MTM1: variants seen among roughly 807,000 people sequenced by gnomAD.
MTM1 encodes myotubularin.
Under a neutral mutation model 52.1 loss-of-function variants are expected in MTM1, and 9 were observed. The observed-to-expected ratio is 0.17, with a 90% CI of 0.10 to 0.30. The LOEUF is 0.30. Ranked by LOEUF, MTM1 falls within the 10% of genes least tolerant of loss-of-function variation. The probability of loss-of-function intolerance (pLI) is 1.00; values close to 1 mark genes in which losing one functional copy is unlikely to be tolerated. For missense variants in MTM1, 277 were observed against 470.7 expected (o/e 0.59, Z 3.81); for synonymous variants, 136 against 163.8 (o/e 0.83, Z 1.29).
intron 10 of MTM1, among the ~76,000 whole-genome samples, chrX:150,655,992 T>C (rs2040106864): frequency 8.9e-6 from 1 of 112,217 alleles, no homozygotes; most frequent in Non-Finnish European, 1.9e-5. Flanking sequence ...AAATTTTTAC[T>C]AGAATACTTT....
intron 6 of MTM1, among the ~76,000 whole-genome samples, chrX:150,636,325 A>C (rs1443191989): frequency 3.6e-5 from 4 of 112,090 alleles, no homozygotes; most frequent in Non-Finnish European, 3.8e-5. Flanking sequence ...ATTTTTGTTT[A>C]GGCCATATAG....
At chrX:150,636,780 G>A (rs1485537549) in intron 6 of MTM1, among the ~76,000 whole-genome samples, 1 of 111,952 alleles carries the variant, frequency 8.9e-6, no homozygotes, top group Non-Finnish European at 1.9e-5. Flanking sequence ...GTTTACCTGT[G>A]CCAAGTACTG....
intron 8 of MTM1, among the ~76,000 whole-genome samples, chrX:150,641,967 T>C (rs2039856042): frequency 9.0e-6 from 1 of 111,129 alleles, no homozygotes; most frequent in Non-Finnish European, 1.9e-5. Context: ...TTCACAAAGC[T>C]CTCTTTTGGT....
intron 5 of MTM1, among the ~76,000 whole-genome samples, chrX:150,616,439 C>G: frequency 9.0e-6 from 1 of 111,729 alleles, no homozygotes; most frequent in Non-Finnish European, 1.9e-5. Flanking sequence ...TCAACTTTCG[C>G]CTGCAGTCAA....
intron 6 of MTM1, among the ~76,000 whole-genome samples, chrX:150,622,851 G>A (rs2039505565): frequency 9.0e-6 from 1 of 111,410 alleles, no homozygotes; most frequent in East Asian, 2.8e-4. Flanking sequence ...GTTCTGTTTT[G>A]GACACATAGC....
chrX:150,572,227 A>T (rs782540578), intron 1 of MTM1, among the ~76,000 whole-genome samples: 33 of 112,145 alleles, frequency 2.9e-4, no homozygotes, highest in Non-Finnish European at 5.3e-4. Flanking sequence ...TGGCTCTTCC[A>T]TCTGTAAGAT....
chrX:150,568,202 G>C (rs782798374), upstream of MTM1, among the ~76,000 whole-genome samples: 4 of 112,756 alleles, frequency 3.5e-5, no homozygotes, highest in Non-Finnish European at 7.5e-5. Context: ...CTAAAGTCTT[G>C]TATAGAGAAG....
At position 150,660,408 on chromosome X, in the gene MTM1, T is replaced by A; in HGVS notation, c.1391T>A (p.Ile464Asn). The change falls in exon 13 of 15, where the codon ATT (isoleucine) becomes AAT (asparagine). Residue 464 changes from isoleucine to asparagine, a missense_variant. This residue lies in a region of MTM1 where 59 missense variants were observed against 107.8 expected (regional missense o/e 0.55). Coordinates refer to ENST00000370396, the MANE Select transcript of MTM1 (RefSeq NM_000252.3). The stretch of plus-strand genomic sequence containing the variant: ...TTTGAATTCAATGAACAATTTTTGA[T>A]TATAATTTTGGATCATCTGTATAGT... Reference protein sequence around the residue: ...TAFEFNEQFLIIILDHLYSCR... With the variant: ...TAFEFNEQFLNIILDHLYSCR... 8.3e-7 allele frequency: 1 copy of A among 1,201,831 alleles called. No individual in the cohort carries two copies. Among genetic ancestry groups the A allele is most frequent in the Non-Finnish European group, 1.1e-6 (1 of 886,320 alleles).
chrX:150,573,629 T>C (rs1462742668), intron 1 of MTM1, among the ~76,000 whole-genome samples: 1 of 111,948 alleles, frequency 8.9e-6, no homozygotes, highest in East Asian at 2.8e-4. Flanking sequence ...CCTTTCCCCT[T>C]CTTGGGAGAT....
intron 14 of MTM1, 112 bp from the exon 15 acceptor site, chrX:150,671,316 T>G: frequency 1.1e-6 from 1 of 889,404 alleles, no homozygotes; most frequent in Admixed American, 2.4e-5. Flanking sequence ...TATGGTAAAC[T>G]TTGAGTAAAG....
intron 13 of MTM1, 67 bp downstream of exon 13, chrX:150,660,551 TATAAAAA>T: frequency 1.5e-6 from 1 of 650,234 alleles, no homozygotes; most frequent in Non-Finnish European, 2.5e-6. Context: ...TACCATGAAA[TATAAAAA>T]ATATGATAGC....
intron 14 of MTM1, among the ~76,000 whole-genome samples, chrX:150,665,839 A>C (rs1423257462): frequency 8.9e-6 from 1 of 112,246 alleles, no homozygotes; most frequent in Non-Finnish European, 1.9e-5. Flanking sequence ...CAAGGAAATT[A>C]CTCATGTCAA....
At chrX:150,639,258 A>G (rs1336093524) in intron 7 of MTM1, among the ~76,000 whole-genome samples, 10 of 112,288 alleles carry the variant, frequency 8.9e-5, no homozygotes, top group Non-Finnish European at 1.3e-4. Flanking sequence ...GGGTCACTAA[A>G]TCCTATTTCC....
intron 1 of MTM1, among the ~76,000 whole-genome samples, chrX:150,585,031 T>C (rs782639962): frequency 5.7e-4 from 62 of 109,543 alleles, no homozygotes; most frequent in Non-Finnish European, 9.1e-4. Flanking sequence ...GGGCTGACTA[T>C]ATTAGAAATA....
chrX:150,648,599 TC>T (rs1326896634), intron 9 of MTM1, among the ~76,000 whole-genome samples: 2 of 112,778 alleles, frequency 1.8e-5, no homozygotes, highest in Non-Finnish European at 3.7e-5. Flanking sequence ...GGCCACGTGT[TC>T]TATGCCATTT....
At chrX:150,566,855 C>A (rs1475383477), upstream of MTM1, among the ~76,000 whole-genome samples, 1 of 111,683 alleles carries the variant, frequency 9.0e-6, no homozygotes, top group Admixed American at 9.6e-5. Flanking sequence ...TTCACAGATA[C>A]CAGGAATCCA....
intron 4 of MTM1, among the ~76,000 whole-genome samples, chrX:150,613,533 T>C (rs1189977508): frequency 8.9e-6 from 1 of 112,367 alleles, no homozygotes; most frequent in Non-Finnish European, 1.9e-5. Flanking sequence ...AGCGAAATTA[T>C]TGGATCAAAG....
intron 1 of MTM1, among the ~76,000 whole-genome samples, chrX:150,586,504 G>C (rs2038788376): frequency 9.0e-6 from 1 of 111,219 alleles, no homozygotes; most frequent in Non-Finnish European, 1.9e-5. Flanking sequence ...TCTTGGCAAG[G>C]TTAGATTGAT....
At chrX:150,661,587 G>C (rs1250787827) in intron 13 of MTM1, among the ~76,000 whole-genome samples, 1 of 111,794 alleles carries the variant, frequency 8.9e-6, no homozygotes, top group Non-Finnish European at 1.9e-5. Flanking sequence ...ATATACAGTA[G>C]ACTACTACTC....
Sources: gnomAD v4.1 joint callset for allele counts (sites outside exome capture counted in the v4.1 genomes callset) on GRCh38, gnomAD v4.1.1 for gene constraint, gnomAD v4.1.1 regional missense constraint, MANE v1.5 for transcripts, NCBI Gene and HGNC (gene_info 2026-07-23, HGNC 2026-07-21) for gene names.